Variants in CACNB2 observed in about 807,000 individuals in gnomAD.
CACNB2 encodes the protein calcium voltage-gated channel auxiliary subunit beta 2.
In CACNB2, 42 loss-of-function variants were observed where a neutral mutation model predicts 73.3. That is an observed-to-expected ratio of 0.57 (90% CI 0.45 to 0.74). The LOEUF is 0.74. CACNB2 is among the 30% of genes least tolerant of loss of function. The pLI is 0.00. For synonymous variants in CACNB2, 348 were observed against 310.3 expected, an observed-to-expected ratio of 1.12 and a Z score of -1.28; for missense variants, 940 against 853.0, an observed-to-expected ratio of 1.10 and a Z score of -1.27.
At chr10:18,189,971 T>G (rs1197438565) in intron 2 of CACNB2, among the ~76,000 whole-genome samples, 1 of 152,174 alleles carries the variant, frequency 6.6e-6, no homozygotes, top group Non-Finnish European at 1.5e-5. Context: ...AGTTCATAAG[T>G]ATGTACGGAA....
At chr10:18,276,896 G>A (rs1588915168) in intron 2 of CACNB2, among the ~76,000 whole-genome samples, 1 of 152,120 alleles carries the variant, frequency 6.6e-6, no homozygotes, top group South Asian at 2.1e-4. Flanking sequence ...AGGATCTTTT[G>A]AGGCCATGAG....
intron 2 of CACNB2, among the ~76,000 whole-genome samples, chr10:18,369,774 G>A (rs1238654190): frequency 6.6e-6 from 1 of 152,126 alleles, no homozygotes; most frequent in Non-Finnish European, 1.5e-5. Flanking sequence ...AGGCGTGGTG[G>A]CACATACCTG....
At chr10:18,160,262 G>C (rs952836690) in intron 2 of CACNB2, among the ~76,000 whole-genome samples, 24 of 152,038 alleles carry the variant, frequency 1.6e-4, no homozygotes, top group African/African-American at 5.6e-4. Flanking sequence ...AACTAGGCTT[G>C]ATTAAGTGCT....
chr10:18,387,613 T>A (rs2043288508), intron 2 of CACNB2, among the ~76,000 whole-genome samples: 1 of 152,206 alleles, frequency 6.6e-6, no homozygotes, highest in African/African-American at 2.4e-5. Flanking sequence ...ATTTTTGGCT[T>A]GGAGTATCTG....
intron 3 of CACNB2, among the ~76,000 whole-genome samples, chr10:18,485,536 T>C (rs1327808473): frequency 6.6e-6 from 1 of 151,360 alleles, no homozygotes; most frequent in Admixed American, 6.6e-5. Context: ...TGACCTGTCT[T>C]TTCTATAGTC....
intron 2 of CACNB2, among the ~76,000 whole-genome samples, chr10:18,154,528 C>A (rs1453889940): frequency 1.3e-5 from 2 of 151,926 alleles, no homozygotes; most frequent in Non-Finnish European, 2.9e-5. Context: ...AGTGCGGTGG[C>A]CTGATCTTGG....
At chr10:18,358,497 G>GCTCTCTCTCTCTCT (rs59205683) in intron 2 of CACNB2, among the ~76,000 whole-genome samples, 26 of 104,316 alleles carry the variant, frequency 2.5e-4, no homozygotes, top group African/African-American at 4.2e-4. Flanking sequence ...TAATGAGCAC[G>GCTCTCTCTCTCTCT]CTCTCTCTCT....
intron 12 of CACNB2, among the ~76,000 whole-genome samples, chr10:18,537,104 C>T (rs546157252): frequency 5.4e-4 from 82 of 152,198 alleles, no homozygotes; most frequent in African/African-American, 1.8e-3. Flanking sequence ...CCTCCCACCT[C>T]GGCCCTCCAA....
chr10:18,477,924 G>A (rs2048522455), intron 3 of CACNB2, among the ~76,000 whole-genome samples: 1 of 152,084 alleles, frequency 6.6e-6, no homozygotes, highest in South Asian at 2.1e-4. Flanking sequence ...GTGAATTGGG[G>A]TTCCAAGGTT....
At position 18,342,407 on chromosome 10, in the gene CACNB2, C is replaced by T. The variant is rs528383095; in HGVS notation, c.214-59517C>T. ...GTTTGGGAGGCCAAGGTGGGAGGAT[C>T]GCTTGAGGCCAGAAGCTAGAGACCA... On this transcript the variant is annotated intron_variant, in intron 2 of 13. Transcript: ENST00000324631. 7.0e-4 allele frequency among the ~76,000 whole-genome samples: 106 copies of T among 152,236 alleles called. 1 individual carries two copies. Among genetic ancestry groups the T allele is most frequent in the Admixed American group, 6.6e-3 (101 of 15,292 alleles).
chr10:18,384,754 C>T (rs371780959), intron 2 of CACNB2, among the ~76,000 whole-genome samples: 1 of 145,492 alleles, frequency 6.9e-6, no homozygotes, highest in African/African-American at 2.6e-5. Flanking sequence ...AAACAAAAAA[C>T]AAAAAAAACC....
chr10:18,371,915 T>A (rs1287369984), intron 2 of CACNB2, among the ~76,000 whole-genome samples: 1 of 152,224 alleles, frequency 6.6e-6, no homozygotes, highest in Admixed American at 6.5e-5. Context: ...TGAGATGGTA[T>A]CTCATTGTGG....
rs148918549 is a variant in CACNB2 at position 18,292,147 on chromosome 10, T to C, written c.214-109777T>C. ...GTAAAGATTGCCTAGATTTCTTTTT[T>C]GGGGTAAGTCAAATGTTAAGGGTAG... On this transcript the variant is annotated intron_variant, in intron 2 of 13. Coordinates refer to ENST00000324631, the MANE Select transcript of CACNB2 (RefSeq NM_201596.3). Among the ~76,000 whole-genome samples the C allele has an allele frequency of 8.5e-5, 13 of 152,326 alleles. No homozygotes were observed. In the East Asian group the frequency reaches 2.5e-3, roughly 29 times the overall value.
At chr10:18,176,226 C>T (rs573120750) in intron 2 of CACNB2, among the ~76,000 whole-genome samples, 23 of 151,976 alleles carry the variant, frequency 1.5e-4, no homozygotes, top group East Asian at 3.9e-4. Context: ...CCAGTTATTG[C>T]GGGGGTCAGT....
intron 2 of CACNB2, among the ~76,000 whole-genome samples, chr10:18,244,451 C>A (rs1336719688): frequency 1.3e-5 from 2 of 152,186 alleles, no homozygotes; most frequent in East Asian, 3.8e-4. Flanking sequence ...GCAAAACAGT[C>A]TCTCATAAAA....
intron 2 of CACNB2, chr10:18,260,359 T>C (rs776516027): frequency 7.1e-6 from 6 of 842,198 alleles, no homozygotes; most frequent in Non-Finnish European, 8.6e-6. Context: ...TGAGATCTAA[T>C]GAATTAATGA....
At chr10:18,376,448 C>T (rs538641582) in intron 2 of CACNB2, among the ~76,000 whole-genome samples, 3 of 152,040 alleles carry the variant, frequency 2.0e-5, no homozygotes, top group African/African-American at 7.2e-5. Flanking sequence ...GGTAGCACAA[C>T]AGGATGACTA....
chr10:18,413,184 C>T (rs530752026), intron 3 of CACNB2, among the ~76,000 whole-genome samples: 5 of 152,292 alleles, frequency 3.3e-5, no homozygotes, highest in African/African-American at 9.6e-5. Context: ...GTTGACCAGG[C>T]TGGTCTCGAA....
At chr10:18,269,791 A>G (rs529431442) in intron 2 of CACNB2, among the ~76,000 whole-genome samples, 1 of 152,194 alleles carries the variant, frequency 6.6e-6, no homozygotes, top group South Asian at 2.1e-4. Flanking sequence ...ACCACTACTT[A>G]TATCTACTCC....
Sources: gnomAD v4.1 joint callset for allele counts (sites outside exome capture counted in the v4.1 genomes callset) on GRCh38, gnomAD v4.1.1 for gene constraint, MANE v1.5 for transcripts, NCBI Gene and HGNC (gene_info 2026-07-23, HGNC 2026-07-21) for gene names.